The following PLEKHA5 variants were observed in gnomAD, a reference collection of about 807,000 sequenced individuals.
The protein encoded by PLEKHA5 is pleckstrin homology domain-containing family A member 5.
PLEKHA5 carries 55 observed loss-of-function variants against 181.9 expected under a neutral mutation model. The ratio of observed to expected loss-of-function variants is 0.30; its 90% CI spans 0.24 to 0.38. PLEKHA5 has a LOEUF of 0.38. Ranked by LOEUF, PLEKHA5 falls within the 10% of genes least tolerant of loss-of-function variation. The pLI is 1.00. For synonymous variants in PLEKHA5, 535 were observed against 529.4 expected, an observed-to-expected ratio of 1.01 and a Z score of -0.15; for missense variants, 1,432 against 1,549.5, an observed-to-expected ratio of 0.92 and a Z score of 1.27.
At chr12:19,206,275 C>G (rs988171988) in intron 3 of PLEKHA5, among the ~76,000 whole-genome samples, 1 of 151,774 alleles carries the variant, frequency 6.6e-6, no homozygotes, top group African/African-American at 2.4e-5. Context: ...CCATATTATG[C>G]TCTTATAATA....
At chr12:19,341,241 C>A (rs189810500) in intron 21 of PLEKHA5, among the ~76,000 whole-genome samples, 20 of 152,272 alleles carry the variant, frequency 1.3e-4, no homozygotes, top group Non-Finnish European at 4.4e-5. Context: ...CACATCGCTG[C>A]ACTCCAGCCT....
chr12:19,303,346 T>A (rs1248901705), intron 15 of PLEKHA5: 2 of 152,222 alleles, frequency 1.3e-5, no homozygotes, highest in Non-Finnish European at 2.9e-5. Flanking sequence ...ACTACTCATC[T>A]CTTTTCCCCC....
At chr12:19,206,660 T>C (rs547023476) in intron 3 of PLEKHA5, among the ~76,000 whole-genome samples, 2 of 152,174 alleles carry the variant, frequency 1.3e-5, no homozygotes, top group Admixed American at 1.3e-4. Flanking sequence ...TCCTGAAATA[T>C]CTTTATTTTG....
At chr12:19,354,485 G>GTT (rs36094874) in intron 26 of PLEKHA5, among the ~76,000 whole-genome samples, 21 of 109,592 alleles carry the variant, frequency 1.9e-4, no homozygotes, top group Admixed American at 4.9e-4. Flanking sequence ...AAAAAAAATT[G>GTT]TTTTTTTTTT....
intron 3 of PLEKHA5, chr12:19,153,137 G>A (rs952892980): frequency 6.6e-6 from 1 of 151,820 alleles, no homozygotes; most frequent in African/African-American, 2.4e-5. Flanking sequence ...TAAAAATGAA[G>A]GATTCTAATT....
In PLEKHA5 at chr12:19,322,348, G is replaced by C. The variant is rs1429100276; in HGVS notation, c.2256G>C (p.Val752=). ...GATTATGTGAACAAGATAAAGTGGT[G>C]CATGCTCTGGAAGAGAAACTTCAGC... is the stretch of plus-strand genomic sequence containing the variant. ...LSRLCEQDKV[V]HALEEKLQQL... The change falls in exon 19 of 32, where the codon GTG becomes GTC. Residue 752 remains valine (V), a synonymous_variant. Coordinates refer to ENST00000429027, the MANE Select transcript of PLEKHA5 (RefSeq NM_001256470.2). 1.2e-6 allele frequency: 2 copies of C among 1,613,422 alleles called. No homozygotes were observed. Among genetic ancestry groups the C allele is most frequent in the African/African-American group, 2.7e-5 (2 of 74,916 alleles).
intron 3 of PLEKHA5, among the ~76,000 whole-genome samples, chr12:19,174,759 C>A (rs1296444270): frequency 1.3e-5 from 2 of 152,112 alleles, no homozygotes; most frequent in African/African-American, 4.8e-5. Flanking sequence ...TAGCCTCTTC[C>A]ATACTAGAGG....
chr12:19,156,642 G>A (rs988039595), intron 3 of PLEKHA5, among the ~76,000 whole-genome samples: 4 of 151,772 alleles, frequency 2.6e-5, no homozygotes, highest in African/African-American at 9.7e-5. Context: ...TATGAACTCT[G>A]ATAAGAGATT....
intron 11 of PLEKHA5, among the ~76,000 whole-genome samples, chr12:19,275,489 G>C (rs1326765371): frequency 6.6e-6 from 1 of 152,142 alleles, no homozygotes; most frequent in Non-Finnish European, 1.5e-5. Flanking sequence ...TCAAGGCCAG[G>C]CGCAGTTTTT....
rs182475486 is a variant in PLEKHA5 at position 19,278,332 on chromosome 12, C to T, written c.1313+3349C>T. On this transcript the variant is annotated intron_variant, in intron 11 of 31. Coordinates refer to ENST00000429027, the MANE Select transcript of PLEKHA5 (RefSeq NM_001256470.2). The stretch of plus-strand genomic sequence containing the variant: ...TCCAACCCAAACATTATGAATACTT[C>T]AGAGCACTTGACAAAAGTGTTTTAG... Among the ~76,000 whole-genome samples, 696 of 152,220 alleles carry T rather than the reference C, an allele frequency of 4.6e-3. 7 individuals are homozygous for T. Among genetic ancestry groups the T allele is most frequent in the Non-Finnish European group, 6.9e-3 (468 of 68,014 alleles).
intron 3 of PLEKHA5, among the ~76,000 whole-genome samples, chr12:19,192,418 C>T (rs1398043095): frequency 6.6e-6 from 1 of 152,118 alleles, no homozygotes. Context: ...TTACTCTTGG[C>T]CTGGCACAGT....
At chr12:19,258,599 C>T (rs1239172194) in intron 6 of PLEKHA5, among the ~76,000 whole-genome samples, 1 of 124,514 alleles carries the variant, frequency 8.0e-6, no homozygotes, top group African/African-American at 3.0e-5. Context: ...CTCACTCTGT[C>T]ACCTGCCCAG....
chr12:19,233,545 A>C (rs1460519026), intron 3 of PLEKHA5, among the ~76,000 whole-genome samples: 2 of 152,182 alleles, frequency 1.3e-5, no homozygotes, highest in African/African-American at 2.4e-5. Context: ...TGCTGGATTT[A>C]GTTGTTTGAA....
chr12:19,358,158 C>A (rs2095052114), intron 26 of PLEKHA5, 70 bp from the exon 27 acceptor site: 1 of 1,047,936 alleles, frequency 9.5e-7, no homozygotes, highest in Non-Finnish European at 1.4e-6. Flanking sequence ...CACTTTACAA[C>A]ATTTTTTATT....
chr12:19,302,021 C>A (rs1173483201), intron 15 of PLEKHA5, among the ~76,000 whole-genome samples: 1 of 152,134 alleles, frequency 6.6e-6, no homozygotes, highest in African/African-American at 2.4e-5. Flanking sequence ...ACATCAAATT[C>A]TTTAGCTTTT....
At chr12:19,148,610 T>C (rs2039554105) in intron 3 of PLEKHA5, among the ~76,000 whole-genome samples, 1 of 152,258 alleles carries the variant, frequency 6.6e-6, no homozygotes, top group Non-Finnish European at 1.5e-5. Flanking sequence ...AAACTTTTTA[T>C]GCTTACCCAG....
chr12:19,249,879 T>C (rs2064799033), intron 3 of PLEKHA5, among the ~76,000 whole-genome samples: 2 of 152,330 alleles, frequency 1.3e-5, no homozygotes, highest in South Asian at 4.2e-4. Flanking sequence ...ATAGTAAATA[T>C]TGCTTTTCTT....
chr12:19,288,590 T>G (rs538215103), intron 13 of PLEKHA5, among the ~76,000 whole-genome samples: 13 of 152,366 alleles, frequency 8.5e-5, no homozygotes, highest in Non-Finnish European at 1.5e-4. Flanking sequence ...ATTCATCTTA[T>G]GTGTTTTGTA....
At chr12:19,235,030 T>G (rs2061206972) in intron 3 of PLEKHA5, among the ~76,000 whole-genome samples, 1 of 152,168 alleles carries the variant, frequency 6.6e-6, no homozygotes, top group South Asian at 2.1e-4. Flanking sequence ...ATTTGTTTTC[T>G]TTTATTGTAT....
Sources: allele counts gnomAD v4.1 joint callset (sites outside exome capture counted in the v4.1 genomes callset), GRCh38; gene constraint gnomAD v4.1.1; transcripts MANE v1.5; gene names NCBI Gene and HGNC (gene_info 2026-07-23, HGNC 2026-07-21).